OR51D1: variants seen among roughly 807,000 people sequenced by gnomAD.
The protein encoded by OR51D1 is olfactory receptor family 51 subfamily D member 1.
For synonymous variants in OR51D1, 187 were observed against 161.1 expected (o/e 1.16, Z -1.22); for missense variants, 452 against 396.2 (o/e 1.14, Z -1.20).
In OR51D1 at chr11:4,641,069, T is replaced by G. The variant is rs1478068691; in HGVS notation, c.*304T>G. Reference sequence around the variant, plus strand: ...GTAAAGATCACACCTCATGGTTCATTCCAGTTTTGAAGTATGATTTTAATG... The same window carrying G: ...GTAAAGATCACACCTCATGGTTCATGCCAGTTTTGAAGTATGATTTTAATG... On this transcript the variant is annotated 3_prime_UTR_variant, in exon 2 of 2. Coordinates refer to ENST00000641817, the MANE Select transcript of OR51D1 (RefSeq NM_001004751.3). 2 of 292,046 alleles carry G rather than the reference T, an allele frequency of 6.8e-6. No homozygotes were observed. Among genetic ancestry groups the G allele is most frequent in the Non-Finnish European group, 1.3e-5 (2 of 155,902 alleles). 18.1% of individuals were successfully genotyped at this position (292,046 alleles called of 1,614,324 possible). A position where few individuals can be genotyped will look rare whatever the true frequency, so the allele number is the denominator to read the frequency against.
chr11:4,639,012 C>T (rs1180379851), intron 1 of OR51D1, among the ~76,000 whole-genome samples: 2 of 152,134 alleles, frequency 1.3e-5, no homozygotes, highest in Admixed American at 6.5e-5. Flanking sequence ...TGGCTGGTCT[C>T]GAACCCCTGA....
Position 4,639,767 on chromosome 11 carries a change from A to G in OR51D1, c.-14-10A>G, listed in dbSNP as rs1444587183. 1.9e-6 allele frequency: 3 copies of G among 1,593,864 alleles called. No homozygotes were observed. Among genetic ancestry groups the G allele is most frequent in the Admixed American group, 1.8e-5 (1 of 57,138 alleles). On this transcript the variant is annotated splice_polypyrimidine_tract_variant and intron_variant, in intron 1 of 1. Transcript: ENST00000641817. ...ATGATGTTTCTACTTTTCCCTTTCTACTTTCCTAGACCCTGGATTTTGTAT... is the reference window on the plus strand; with the variant it reads ...ATGATGTTTCTACTTTTCCCTTTCTGCTTTCCTAGACCCTGGATTTTGTAT...
chr11:4,640,193 C>G lies in OR51D1; in HGVS notation c.403C>G (p.Arg135Gly). The G allele has an allele frequency of 6.2e-7, 1 of 1,614,172 alleles. No homozygotes were observed. Among genetic ancestry groups the G allele is most frequent in the Non-Finnish European group, 8.5e-7 (1 of 1,180,042 alleles). ...TGTCCTGCTGGCCATGGCTTTTGAC[C>G]GCTTTGTGGCCATTTGCCACCCATT... ...SAVLLAMAFD[R>G]FVAICHPLRH... is the part of the protein sequence containing the mutation. Residue 135 changes from arginine (R) to glycine (G), a missense_variant, in exon 2 of 2, where the codon CGC becomes GGC. Transcript: ENST00000641817.
At position 4,639,783 on chromosome 11, in the gene OR51D1, G is replaced by C. The variant is rs749554428; in HGVS notation, c.-8G>C. On this transcript the variant is annotated 5_prime_UTR_variant, in exon 2 of 2. Transcript: ENST00000641817. The stretch of plus-strand genomic sequence containing the variant: ...TCCCTTTCTACTTTCCTAGACCCTG[G>C]ATTTTGTATGCAGAAGCCCCAGCTC... 1 of 1,610,272 alleles carries C rather than the reference G, an allele frequency of 6.2e-7. No homozygotes were observed.
In OR51D1 at chr11:4,641,799, G is replaced by A. The variant is rs952972104; in HGVS notation, c.*1034G>A. ...AATATTTGAGATGTAAAACCATTTT[G>A]TGCGGTATATGTGTTATTAGTTGTA... On this transcript the variant is annotated 3_prime_UTR_variant, in exon 2 of 2. Coordinates refer to ENST00000641817, the MANE Select transcript of OR51D1 (RefSeq NM_001004751.3). 2.6e-5 allele frequency: 4 copies of A among 152,442 alleles called. No homozygotes were observed. Among genetic ancestry groups the A allele is most frequent in the African/African-American group, 9.7e-5 (4 of 41,444 alleles). The allele number at this position is 152,442 out of a possible 1,614,324, so 9.4% of individuals were successfully genotyped here. A position where few individuals can be genotyped will look rare whatever the true frequency, so the allele number is the denominator to read the frequency against.
intron 1 of OR51D1, 76 bp from the exon 2 acceptor site, chr11:4,639,701 T>C: frequency 7.1e-7 from 1 of 1,403,218 alleles, no homozygotes; most frequent in Non-Finnish European, 9.8e-7. Flanking sequence ...CTCCAATGCC[T>C]TTTCCTCATT....
rs1348112056 is a variant in OR51D1 at position 4,640,016 on chromosome 11, C to T, written c.226C>T (p.Leu76=). Residue 76 remains leucine, a synonymous_variant, in exon 2 of 2, where the codon CTG becomes TTG. Transcript: ENST00000641817. ...RRLHEPMYLF[L]AMLSTIDLVL... is the part of the protein sequence containing the mutation. ...ACTGCATGAGCCCATGTACCTCTTCCTGGCCATGCTTTCCACTATTGACCT... is the reference window on the plus strand; with the variant it reads ...ACTGCATGAGCCCATGTACCTCTTCTTGGCCATGCTTTCCACTATTGACCT... The T allele has an allele frequency of 1.9e-6, 3 of 1,614,190 alleles. No individual in the cohort carries two copies. The highest frequency in any genetic ancestry group is 2.5e-6 in the Non-Finnish European group (3 of 1,180,026).
intron 1 of OR51D1, 186 bp from the exon 2 acceptor site, chr11:4,639,591 T>C (rs1338944483): frequency 1.6e-6 from 1 of 611,610 alleles, no homozygotes; most frequent in Non-Finnish European, 2.8e-6. Flanking sequence ...AGGGTAAGGC[T>C]CAAGATGTCC....
intron 1 of OR51D1, among the ~76,000 whole-genome samples, chr11:4,638,724 C>G (rs965141682): frequency 1.3e-5 from 2 of 152,144 alleles, no homozygotes; most frequent in African/African-American, 4.8e-5. Flanking sequence ...ACAACTTTCC[C>G]CAAAGTTCTC....
Position 4,641,779 on chromosome 11 carries a change from T to C in OR51D1, c.*1014T>C, listed in dbSNP as rs961582551. ...GGTGTATGTCCACTGTGCATAATATTTGAGATGTAAAACCATTTTGTGCGG... is the reference window on the plus strand; with the variant it reads ...GGTGTATGTCCACTGTGCATAATATCTGAGATGTAAAACCATTTTGTGCGG... On this transcript the variant is annotated 3_prime_UTR_variant, in exon 2 of 2. Coordinates refer to ENST00000641817, the MANE Select transcript of OR51D1 (RefSeq NM_001004751.3). 6 of 152,552 alleles carry C rather than the reference T, an allele frequency of 3.9e-5. No homozygotes were observed. The highest frequency in any genetic ancestry group is 1.5e-5 in the Non-Finnish European group (1 of 68,038). The allele number at this position is 152,552 out of a possible 1,614,324, so 9.4% of individuals were successfully genotyped here. A position where few individuals can be genotyped will look rare whatever the true frequency, so the allele number is the denominator to read the frequency against.
Position 4,640,278 on chromosome 11 carries a change from C to T in OR51D1, c.488C>T (p.Thr163Ile). The change falls in exon 2 of 2, where the codon ACC (threonine) becomes ATC (isoleucine). Residue 163 changes from threonine to isoleucine, a missense_variant. Coordinates refer to ENST00000641817, the MANE Select transcript of OR51D1 (RefSeq NM_001004751.3). Reference sequence around the variant, plus strand: ...GCCAAGATTGGACTATCTGCCCTGACCAGGGGGTTTGTATTCTTCTTCCCA... The same window carrying T: ...GCCAAGATTGGACTATCTGCCCTGATCAGGGGGTTTGTATTCTTCTTCCCA... ...TVAKIGLSAL[T>I]RGFVFFFPLP... 1 of 1,614,126 alleles carries T rather than the reference C, an allele frequency of 6.2e-7. No individual in the cohort carries two copies.
rs375068225 is a variant in OR51D1 at position 4,640,380 on chromosome 11, T to C, written c.590T>C (p.Ile197Thr). 3.6e-5 allele frequency: 58 copies of C among 1,614,136 alleles called. No homozygotes were observed. The highest frequency in any genetic ancestry group is 1.9e-4 in the African/African-American group (14 of 74,940). The stretch of plus-strand genomic sequence containing the variant: ...CACTCCTTCTGTCTGCACCAAGATA[T>C]TATGAAGCTGTCCTGTACTGACACC... Reference protein sequence around the residue: ...VTHSFCLHQDIMKLSCTDTRV... With the variant: ...VTHSFCLHQDTMKLSCTDTRV... The change falls in exon 2 of 2, where the codon ATT becomes ACT. Residue 197 changes from isoleucine (I) to threonine (T), a missense_variant. By Grantham distance (89) the Ile-to-Thr change is moderately conservative. Coordinates refer to ENST00000641817, the MANE Select transcript of OR51D1 (RefSeq NM_001004751.3).
chr11:4,637,855 G>T (rs16923484), intron 1 of OR51D1, 102 bp downstream of exon 1: 14,949 of 153,190 alleles, frequency 0.098, 996 homozygotes, highest in Admixed American at 0.22. Flanking sequence ...GATTGGTGAT[G>T]AAGAAGGAAA....
chr11:4,639,584 G>A, intron 1 of OR51D1, 193 bp from the exon 2 acceptor site: 1 of 598,516 alleles, frequency 1.7e-6, no homozygotes, highest in Non-Finnish European at 2.9e-6. Flanking sequence ...GAGGGTCAGG[G>A]TAAGGCTCAA....
In OR51D1 at chr11:4,640,434, T is replaced by G. The variant is rs992606558; in HGVS notation, c.644T>G (p.Ile215Ser). The G allele has an allele frequency of 1.2e-6, 2 of 1,614,204 alleles. No individual in the cohort carries two copies. Among genetic ancestry groups the G allele is most frequent in the Admixed American group, 3.3e-5 (2 of 60,030 alleles). Residue 215 changes from isoleucine (I) to serine (S), a missense_variant, in exon 2 of 2, where the codon ATC (isoleucine) becomes AGC (serine). Ile to Ser is a moderately radical substitution (Grantham distance 142). Transcript: ENST00000641817. Reference sequence around the variant, plus strand: ...GTCAATGTGGTTTATGGACTCTTCATCATCCTCTCAGTCATGGGTGTGGAC... The same window carrying G: ...GTCAATGTGGTTTATGGACTCTTCAGCATCCTCTCAGTCATGGGTGTGGAC... Reference protein sequence around the residue: ...TRVNVVYGLFIILSVMGVDSL... With the variant: ...TRVNVVYGLFSILSVMGVDSL...
rs1342385196 is a variant in OR51D1, at chr11:4,641,434, G to C, written c.*669G>C. The C allele has an allele frequency of 6.5e-6, 1 of 153,120 alleles. No homozygotes were observed. The highest frequency in any genetic ancestry group is 6.5e-5 in the Admixed American group (1 of 15,316). 9.5% of individuals were successfully genotyped at this position (153,120 alleles called of 1,614,324 possible). A position where few individuals can be genotyped will look rare whatever the true frequency, so the allele number is the denominator to read the frequency against. ...CTTTTCAGTGTGCGTATATGTGAGA[G>C]AGAGGGTGCACACATGGAATACGTA... On this transcript the variant is annotated 3_prime_UTR_variant, in exon 2 of 2. Transcript: ENST00000641817.
chr11:4,638,280 A>G (rs1419164285), intron 1 of OR51D1, among the ~76,000 whole-genome samples: 4 of 152,156 alleles, frequency 2.6e-5, no homozygotes, highest in African/African-American at 9.7e-5. Context: ...GAGATCAGGA[A>G]CAGGTTTGGA....
chr11:4,640,504 T>A lies in OR51D1; in HGVS notation c.714T>A (p.Val238=). 6.2e-7 allele frequency: 1 copy of A among 1,614,026 alleles called. No homozygotes were observed. The highest frequency in any genetic ancestry group is 8.5e-7 in the Non-Finnish European group (1 of 1,180,018). Reference sequence around the variant, plus strand: ...CATATATCCTCATCCTGTGGGCTGTTTTGGAGCTGTCCTCTCGGAGGGCAG... The same window carrying A: ...CATATATCCTCATCCTGTGGGCTGTATTGGAGCTGTCCTCTCGGAGGGCAG... The part of the protein sequence containing the change: ...GFSYILILWA[V]LELSSRRAAL... The change falls in exon 2 of 2, where the codon GTT becomes GTA. Residue 238 remains valine (V), a synonymous_variant. Transcript: ENST00000641817.
chr11:4,640,002 C>A lies in OR51D1; in HGVS notation c.212C>A (p.Pro71His). ...CGTGTGGAGAGGCGACTGCATGAGC[C>A]CATGTACCTCTTCCTGGCCATGCTT... is the stretch of plus-strand genomic sequence containing the variant. ...IIRVERRLHE[P>H]MYLFLAMLST... Residue 71 changes from proline (P) to histidine (H), a missense_variant, in exon 2 of 2, where the codon CCC becomes CAC. By Grantham distance (77) the Pro-to-His change is moderately conservative. Coordinates refer to ENST00000641817, the MANE Select transcript of OR51D1 (RefSeq NM_001004751.3). The A allele has an allele frequency of 6.2e-7, 1 of 1,614,162 alleles. No homozygotes were observed. The highest frequency in any genetic ancestry group is 8.5e-7 in the Non-Finnish European group (1 of 1,180,018).
Sources: gnomAD v4.1 joint callset for allele counts (sites outside exome capture counted in the v4.1 genomes callset) on GRCh38, gnomAD v4.1.1 for gene constraint, MANE v1.5 for transcripts, NCBI Gene and HGNC (gene_info 2026-07-23, HGNC 2026-07-21) for gene names.